Variants in GRK5 observed in about 807,000 individuals in gnomAD.
The protein encoded by GRK5 is G protein-coupled receptor kinase 5, also known as g protein-coupled receptor kinase GRK5.
Under a neutral mutation model 78.4 loss-of-function variants are expected in GRK5, and 40 were observed. The ratio of observed to expected loss-of-function variants is 0.51; its 90% CI spans 0.40 to 0.66. GRK5 has a LOEUF of 0.66. Ranked by LOEUF, GRK5 falls within the 30% of genes least tolerant of loss-of-function variation. The probability of loss-of-function intolerance (pLI) is 0.00; values close to 1 mark genes in which losing one functional copy is unlikely to be tolerated. For missense variants in GRK5, 598 were observed against 759.9 expected, an observed-to-expected ratio of 0.79 and a Z score of 2.50; for synonymous variants, 289 against 296.8, an observed-to-expected ratio of 0.97 and a Z score of 0.27.
intron 3 of GRK5, among the ~76,000 whole-genome samples, chr10:119,384,067 G>A (rs12573657): frequency 0.053 from 8,016 of 152,046 alleles, 298 homozygotes; most frequent in African/African-American, 0.1. Context: ...TGGCCTTCCC[G>A]GAGTCTTTCT....
At chr10:119,374,817 T>C (rs1851598931) in intron 2 of GRK5, among the ~76,000 whole-genome samples, 1 of 152,078 alleles carries the variant, frequency 6.6e-6, no homozygotes, top group African/African-American at 2.4e-5. Flanking sequence ...GTTGTTGCAG[T>C]GTGGCACCTC....
intron 1 of GRK5, among the ~76,000 whole-genome samples, chr10:119,252,083 C>T (rs142878007): frequency 4.6e-5 from 7 of 152,360 alleles, no homozygotes; most frequent in African/African-American, 1.7e-4. Flanking sequence ...TATGTCTTCA[C>T]TCTCCCTGAC....
intron 1 of GRK5, among the ~76,000 whole-genome samples, chr10:119,259,210 G>T (rs1011664907): frequency 1.3e-5 from 2 of 151,902 alleles, no homozygotes; most frequent in Non-Finnish European, 2.9e-5. Flanking sequence ...GACTATAGGC[G>T]CCCACCACCG....
chr10:119,307,041 A>G (rs957402590), intron 1 of GRK5, among the ~76,000 whole-genome samples: 2 of 152,106 alleles, frequency 1.3e-5, no homozygotes, highest in African/African-American at 2.4e-5. Flanking sequence ...GATGTCATTC[A>G]TTCTGAGTTA....
intron 2 of GRK5, among the ~76,000 whole-genome samples, chr10:119,330,077 G>A (rs1191020188): frequency 6.6e-6 from 1 of 151,928 alleles, no homozygotes; most frequent in Admixed American, 6.6e-5. Flanking sequence ...TGGCCAGGCT[G>A]GTTTCAAACT....
intron 1 of GRK5, among the ~76,000 whole-genome samples, chr10:119,252,391 C>T (rs543031986): frequency 2.0e-5 from 3 of 152,114 alleles, no homozygotes; most frequent in Admixed American, 6.5e-5. Flanking sequence ...TAGGGGCCAG[C>T]GTGCAGCCCT....
At chr10:119,353,216 T>C (rs965891289) in intron 2 of GRK5, among the ~76,000 whole-genome samples, 3 of 152,180 alleles carry the variant, frequency 2.0e-5, no homozygotes, top group Admixed American at 6.5e-5. Context: ...ATGTTCGGGC[T>C]GAAATGGGAG....
chr10:119,421,503 C>T (rs561854026), intron 4 of GRK5, among the ~76,000 whole-genome samples: 1 of 152,252 alleles, frequency 6.6e-6, no homozygotes, highest in Non-Finnish European at 1.5e-5. Flanking sequence ...GCCTGGGGCT[C>T]CTCCCATGAC....
intron 1 of GRK5, among the ~76,000 whole-genome samples, chr10:119,231,309 A>C (rs1458404617): frequency 6.6e-6 from 1 of 152,152 alleles, no homozygotes; most frequent in African/African-American, 2.4e-5. Context: ...TAAAGAACTT[A>C]CTCATGTAAC....
chr10:119,443,476 CCTT>C, intron 11 of GRK5, 65 bp from the exon 12 acceptor site: 1 of 1,425,028 alleles, frequency 7.0e-7, no homozygotes, highest in Non-Finnish European at 9.7e-7. Context: ...AAACTCCAGG[CCTT>C]CTGTGAGCAG....
chr10:119,239,908 C>G (rs1332734460), intron 1 of GRK5, among the ~76,000 whole-genome samples: 2 of 152,082 alleles, frequency 1.3e-5, no homozygotes, highest in Non-Finnish European at 2.9e-5. Context: ...TTTCTTTATC[C>G]AGTCTGTCAT....
intron 1 of GRK5, among the ~76,000 whole-genome samples, chr10:119,234,369 T>C (rs931535081): frequency 1.3e-5 from 2 of 152,198 alleles, no homozygotes; most frequent in Admixed American, 1.3e-4. Flanking sequence ...TCATTCTTAC[T>C]CTACATGTCT....
intron 14 of GRK5, 90 bp from the exon 15 acceptor site, chr10:119,453,055 G>T (rs1853322991): frequency 2.2e-6 from 2 of 918,338 alleles, no homozygotes; most frequent in Non-Finnish European, 3.6e-6. Context: ...GGGCAGGTGA[G>T]GCCAGGGGAG....
At chr10:119,256,121 G>A (rs1849279006) in intron 1 of GRK5, among the ~76,000 whole-genome samples, 2 of 151,786 alleles carry the variant, frequency 1.3e-5, no homozygotes, top group South Asian at 2.1e-4. Flanking sequence ...CCTCTGTCAG[G>A]AGAGGATCCC....
chr10:119,416,450 G>A (rs898453553), intron 4 of GRK5, among the ~76,000 whole-genome samples: 2 of 152,218 alleles, frequency 1.3e-5, no homozygotes, highest in African/African-American at 4.8e-5. Flanking sequence ...CTCTGACTCC[G>A]AACAGCATCT....
chr10:119,384,247 C>G (rs1422500821), intron 3 of GRK5, among the ~76,000 whole-genome samples: 1 of 152,108 alleles, frequency 6.6e-6, no homozygotes, highest in Non-Finnish European at 1.5e-5. Context: ...TCTCAGAGGC[C>G]CTCCCGATCT....
At chr10:119,384,097 C>T (rs1297660526) in intron 3 of GRK5, among the ~76,000 whole-genome samples, 1 of 152,160 alleles carries the variant, frequency 6.6e-6, no homozygotes, top group Non-Finnish European at 1.5e-5. Flanking sequence ...TGTTCTGGCC[C>T]GACCACCCAC....
chr10:119,401,490 TTAGAGTCAGG>T (rs1429910084), intron 4 of GRK5, among the ~76,000 whole-genome samples: 2 of 152,118 alleles, frequency 1.3e-5, no homozygotes, highest in Non-Finnish European at 2.9e-5. Flanking sequence ...GACGTGAGCT[TTAGAGTCAGG>T]TAGACCTGGG....
intron 1 of GRK5, among the ~76,000 whole-genome samples, chr10:119,242,594 A>G (rs578253766): frequency 4.1e-4 from 61 of 150,542 alleles, no homozygotes; most frequent in African/African-American, 1.5e-3. Context: ...CCCCACCCAA[A>G]TCTCATCTTG....
Sources: allele counts gnomAD v4.1 joint callset (sites outside exome capture counted in the v4.1 genomes callset), GRCh38; gene constraint gnomAD v4.1.1; transcripts MANE v1.5; gene names NCBI Gene and HGNC (gene_info 2026-07-23, HGNC 2026-07-21).